ASTN2: variants seen among roughly 807,000 people sequenced by gnomAD.
The protein encoded by ASTN2 is astrotactin-2.
A neutral mutation model predicts 139.8 loss-of-function variants in ASTN2; 54 were observed. The ratio of observed to expected loss-of-function variants is 0.39; its 90% CI spans 0.31 to 0.48. The LOEUF (loss-of-function observed/expected upper bound fraction) is 0.48. ASTN2 is among the 20% of genes least tolerant of loss of function. The pLI is 0.95. For synonymous variants in ASTN2, 756 were observed against 719.5 expected (o/e 1.05, Z -0.81); for missense variants, 1,565 against 1,725.1 (o/e 0.91, Z 1.64).
chr9:116,819,078 A>G (rs1296296305), intron 12 of ASTN2, among the ~76,000 whole-genome samples: 1 of 152,228 alleles, frequency 6.6e-6, no homozygotes, highest in African/African-American at 2.4e-5. Context: ...AGCTAGGATT[A>G]CAATTCGTGT....
At chr9:117,079,641 T>C (rs924657039) in intron 5 of ASTN2, among the ~76,000 whole-genome samples, 1 of 152,236 alleles carries the variant, frequency 6.6e-6, no homozygotes, top group Non-Finnish European at 1.5e-5. Context: ...TTCTCTTTCT[T>C]CTTTGTTTTT....
At chr9:117,347,657 G>GT (rs971794664) in intron 1 of ASTN2, among the ~76,000 whole-genome samples, 3 of 152,140 alleles carry the variant, frequency 2.0e-5, no homozygotes, top group South Asian at 2.1e-4. Context: ...TAAAGCAAAT[G>GT]TTTTTTCTGA....
chr9:116,424,314 T>C lies in ASTN2; in HGVS notation c.*1537A>G, dbSNP rs751854087. 6.6e-6 allele frequency among the ~76,000 whole-genome samples: 1 copy of C among 152,172 alleles called. No homozygotes were observed. Among genetic ancestry groups the C allele is most frequent in the Non-Finnish European group, 1.5e-5 (1 of 68,034 alleles). On this transcript the variant is annotated 3_prime_UTR_variant, in exon 23 of 23. Transcript: ENST00000313400. ...GAAAATGACAATGGCACCCCTCTCT[T>C]TGGGGCCTTCTCCAATCCATCCTTC...
chr9:116,895,177 G>A (rs775230812), intron 10 of ASTN2, among the ~76,000 whole-genome samples: 14 of 152,028 alleles, frequency 9.2e-5, no homozygotes, highest in South Asian at 6.2e-4. Context: ...TCTTTCTGCC[G>A]GTTCAATGTA....
chr9:116,954,271 C>T (rs866234697), intron 10 of ASTN2, among the ~76,000 whole-genome samples: 1 of 152,138 alleles, frequency 6.6e-6, no homozygotes, highest in Non-Finnish European at 1.5e-5. Flanking sequence ...TCTCTGACCT[C>T]GAAGTCAAAG....
At chr9:116,636,979 G>A (rs2131881354) in intron 17 of ASTN2, among the ~76,000 whole-genome samples, 1 of 152,286 alleles carries the variant, frequency 6.6e-6, no homozygotes, top group South Asian at 2.1e-4. Context: ...GCCATGTTAA[G>A]GACACAGTGT....
chr9:117,171,476 A>C (rs1830791480), intron 3 of ASTN2, among the ~76,000 whole-genome samples: 1 of 152,134 alleles, frequency 6.6e-6, no homozygotes, highest in African/African-American at 2.4e-5. Flanking sequence ...CTAACCTAGT[A>C]CCTGGTATGG....
chr9:116,491,076 G>A (rs1849504659), intron 19 of ASTN2, among the ~76,000 whole-genome samples: 1 of 152,174 alleles, frequency 6.6e-6, no homozygotes, highest in Non-Finnish European at 1.5e-5. Flanking sequence ...AAGGTTTGCA[G>A]GTTTAATTCA....
intron 4 of ASTN2, among the ~76,000 whole-genome samples, chr9:117,117,687 C>T (rs1587981894): frequency 6.6e-6 from 1 of 152,208 alleles, no homozygotes; most frequent in Non-Finnish European, 1.5e-5. Context: ...ATCCTGTTTG[C>T]TGAGTTATTA....
chr9:117,147,747 C>T (rs1401194906), intron 3 of ASTN2, among the ~76,000 whole-genome samples: 1 of 152,130 alleles, frequency 6.6e-6, no homozygotes, highest in Non-Finnish European at 1.5e-5. Context: ...TAGCAAGACT[C>T]AGAAATGTTA....
intron 16 of ASTN2, among the ~76,000 whole-genome samples, chr9:116,711,556 C>T (rs1828164046): frequency 6.6e-6 from 1 of 152,100 alleles, no homozygotes. Context: ...TACCCAGCTG[C>T]CCATTTTATA....
intron 1 of ASTN2, among the ~76,000 whole-genome samples, chr9:117,295,882 A>T (rs1834719202): frequency 6.6e-6 from 1 of 152,128 alleles, no homozygotes; most frequent in African/African-American, 2.4e-5. Context: ...GGACAGATTC[A>T]TGTCCCTCAG....
intron 1 of ASTN2, among the ~76,000 whole-genome samples, chr9:117,310,058 G>T (rs1454565115): frequency 6.6e-6 from 1 of 152,044 alleles, no homozygotes. Flanking sequence ...AACTTGACAG[G>T]GTGTGCAGCC....
chr9:117,339,673 C>T (rs930800349), intron 1 of ASTN2, among the ~76,000 whole-genome samples: 39 of 152,082 alleles, frequency 2.6e-4, no homozygotes, highest in African/African-American at 9.4e-4. Flanking sequence ...CCTAATGAAA[C>T]CTGACACTAA....
In ASTN2 at chr9:116,976,770, T is replaced by C; in HGVS notation, c.1607A>G (p.His536Arg). ...AACAGGGTCAGGGGCATAGCCTTCA[T>C]GACAGCTGCACTCTCCTGTAAGTGA... ...CDPETGECSC[H>R]EGYAPDPVHR... The change falls in exon 8 of 23, where the codon CAT becomes CGT. Residue 536 changes from histidine to arginine, a missense_variant. By Grantham distance (29) the His-to-Arg change is conservative. Transcript: ENST00000313400. 6.2e-7 allele frequency: 1 copy of C among 1,614,096 alleles called. No homozygotes were observed. The highest frequency in any genetic ancestry group is 8.5e-7 in the Non-Finnish European group (1 of 1,179,980).
At position 117,184,437 on chromosome 9, in the gene ASTN2, G is replaced by C. The variant is rs74386055; in HGVS notation, c.1015+29921C>G. Among the ~76,000 whole-genome samples, 134 of 152,238 alleles carry C rather than the reference G, an allele frequency of 8.8e-4. 1 individual carries two copies. In the East Asian group the frequency reaches 0.02, roughly 23 times the overall value. ...GTTCTCCGAAGGCTTCATTCACCAGGGAAATCATGAGGAAGTGATATCTCT... is the reference window on the plus strand; with the variant it reads ...GTTCTCCGAAGGCTTCATTCACCAGCGAAATCATGAGGAAGTGATATCTCT... On this transcript the variant is annotated intron_variant, in intron 3 of 22. Coordinates refer to ENST00000313400, the MANE Select transcript of ASTN2 (RefSeq NM_001365068.1).
intron 1 of ASTN2, among the ~76,000 whole-genome samples, chr9:117,295,225 G>A (rs1834699026): frequency 6.6e-6 from 1 of 152,102 alleles, no homozygotes; most frequent in Non-Finnish European, 1.5e-5. Flanking sequence ...AGGAGGCAGA[G>A]GCCCAAGAAT....
intron 16 of ASTN2, among the ~76,000 whole-genome samples, chr9:116,694,791 G>A (rs530705016): frequency 6.6e-6 from 1 of 152,018 alleles, no homozygotes; most frequent in African/African-American, 2.4e-5. Flanking sequence ...ATTTCTATCA[G>A]TATGTCTATG....
At chr9:116,514,501 T>A (rs187482196) in intron 19 of ASTN2, among the ~76,000 whole-genome samples, 12 of 152,252 alleles carry the variant, frequency 7.9e-5, no homozygotes, top group East Asian at 3.9e-4. Flanking sequence ...CTCAAACTCT[T>A]TGCTGGGAGA....
Sources: allele counts gnomAD v4.1 joint callset (sites outside exome capture counted in the v4.1 genomes callset), GRCh38; gene constraint gnomAD v4.1.1; transcripts MANE v1.5; gene names NCBI Gene and HGNC (gene_info 2026-07-23, HGNC 2026-07-21).